SPDYC: variants seen among roughly 807,000 people sequenced by gnomAD.
SPDYC encodes the protein speedy protein C.
SPDYC carries 25 observed loss-of-function variants against 33.9 expected under a neutral mutation model. That is an observed-to-expected ratio of 0.74 (90% CI 0.54 to 1.03). The LOEUF is 1.03. Among genes scored for constraint, SPDYC ranks in the 50% least tolerant of loss-of-function variants. SPDYC has a pLI of 0.00. For synonymous variants in SPDYC, 133 were observed against 140.2 expected, an observed-to-expected ratio of 0.95 and a Z score of 0.36; for missense variants, 349 against 382.9, an observed-to-expected ratio of 0.91 and a Z score of 0.74.
intron 1 of SPDYC, 55 bp downstream of exon 1, chr11:65,170,316 G>A (rs1202175189): frequency 3.4e-5 from 52 of 1,507,356 alleles, no homozygotes; most frequent in East Asian, 7.4e-5. Context: ...AGATGGAGGG[G>A]CCCAGATTGG....
In SPDYC at chr11:65,172,590, C is replaced by T. The variant is rs777516166; in HGVS notation, c.501C>T (p.Arg167=). 4 of 1,552,946 alleles carry T rather than the reference C, an allele frequency of 2.6e-6. No individual in the cohort carries two copies. The Admixed American group carries it at 7.7e-5, about 30-fold the overall frequency. Residue 167 remains arginine (R), a synonymous_variant, in exon 5 of 7, where the codon CGC becomes CGT. Transcript: ENST00000377185. Reference sequence around the variant, plus strand: ...TGGGTTTCCGGGCTGTTGTGAGCCGCCAGTGCTGTGAGGAGGTGAGGCTGG... The same window carrying T: ...TGGGTTTCCGGGCTGTTGTGAGCCGTCAGTGCTGTGAGGAGGTGAGGCTGG...
chr11:65,171,436 G>A lies in SPDYC; in HGVS notation c.136G>A (p.Gly46Arg), dbSNP rs748592055. ...GCTGGGGGGCTGCAGCCGGCAAGGT[G>A]GGGGCAATGGGTTCCTCCGTTTTCG... is the stretch of plus-strand genomic sequence containing the variant. Residue 46 changes from glycine (G) to arginine (R), a missense_variant, in exon 2 of 7, where the codon GGG (glycine) becomes AGG (arginine). Gly to Arg is a moderately radical substitution (Grantham distance 125). Coordinates refer to ENST00000377185, the Ensembl canonical transcript of SPDYC. The A allele has an allele frequency of 1.9e-6, 3 of 1,599,736 alleles. No homozygotes were observed. In the South Asian group the frequency reaches 3.4e-5, roughly 18 times the overall value.
chr11:65,171,093 A>T (rs982813561), intron 1 of SPDYC, among the ~76,000 whole-genome samples: 1 of 151,638 alleles, frequency 6.6e-6, no homozygotes, highest in African/African-American at 2.4e-5. Flanking sequence ...TGCTGCTGTT[A>T]CTCTGGCCTG....
rs940171852 is a variant in SPDYC, at chr11:65,172,016, G to C, written c.258+15G>C. 3 of 1,613,798 alleles carry C rather than the reference G, an allele frequency of 1.9e-6. No individual in the cohort carries two copies. The Admixed American group carries it at 5.0e-5, about 27-fold the overall frequency. On this transcript the variant is annotated intron_variant, in intron 3 of 6. Coordinates refer to ENST00000377185, the Ensembl canonical transcript of SPDYC. The stretch of plus-strand genomic sequence containing the variant: ...TTTCAGATAAGGTGAGGGAGTACAG[G>C]CTGGGGGTCTCTTGAGGGTCAGGTT...
chr11:65,171,903 G>T (rs1410409851), intron 2 of SPDYC, 40 bp from the exon 3 acceptor site: 9 of 1,588,856 alleles, frequency 5.7e-6, no homozygotes, highest in Non-Finnish European at 7.8e-6. Flanking sequence ...CCATGGAGGT[G>T]GTGGTAACCT....
At position 65,173,147 on chromosome 11, in the gene SPDYC, G is replaced by A. The variant is rs759028023; in HGVS notation, c.848-36G>A. ...TGCCCCTCCCGTGTGAGCTTGGCAGGTTTCTTCTCTGAGCCTCACTCTTTC... is the reference window on the plus strand; with the variant it reads ...TGCCCCTCCCGTGTGAGCTTGGCAGATTTCTTCTCTGAGCCTCACTCTTTC... On this transcript the variant is annotated intron_variant, in intron 6 of 6. Transcript: ENST00000377185. 6 of 1,612,694 alleles carry A rather than the reference G, an allele frequency of 3.7e-6. 1 individual carries two copies. In the South Asian group the frequency reaches 5.5e-5, roughly 15 times the overall value.
At position 65,171,454 on chromosome 11, in the gene SPDYC, C is replaced by T. The variant is rs566232147; in HGVS notation, c.154C>T (p.Arg52Cys). The change falls in exon 2 of 7, where the codon CGT becomes TGT. Residue 52 changes from arginine (R) to cysteine (C), a missense_variant. Arg to Cys is a radical substitution (Grantham distance 180). Transcript: ENST00000377185. ...GCAAGGTGGGGGCAATGGGTTCCTC[C>T]GTTTTCGCCAGCACCAGGAGGTCCA... 1.7e-5 allele frequency: 27 copies of T among 1,596,496 alleles called. No individual in the cohort carries two copies. The highest frequency in any genetic ancestry group is 5.4e-5 in the Admixed American group (3 of 55,302).
At chr11:65,171,485 T>C in exon 2 of SPDYC, 1 of 1,578,814 alleles carries the variant, frequency 6.3e-7, no homozygotes, top group Non-Finnish European at 8.6e-7. Flanking sequence ...GTCCAGGCCT[T>C]CCTCAGCCTT....
At chr11:65,171,260 C>T in intron 1 of SPDYC, 67 bp from the exon 2 acceptor site, 1 of 1,535,712 alleles carries the variant, frequency 6.5e-7, no homozygotes, top group Non-Finnish European at 8.8e-7. Context: ...TGGCCCCTGT[C>T]ACCACCCTCT....
chr11:65,170,297 C>A (rs377522264), intron 1 of SPDYC, 36 bp downstream of exon 1: 116 of 1,557,716 alleles, frequency 7.4e-5, no homozygotes, highest in South Asian at 7.0e-4. Context: ...GGGTTGCTTG[C>A]GGGCGCCTAG....
At chr11:65,173,260 C>T, downstream of SPDYC, 2 of 1,606,284 alleles carry the variant, frequency 1.2e-6, no homozygotes, top group African/African-American at 1.3e-5. Context: ...GGCCCACTGA[C>T]TGACACACCA....
intron 2 of SPDYC, 101 bp from the exon 3 acceptor site, chr11:65,171,836 AAGAGAG>A: frequency 1.1e-6 from 1 of 952,030 alleles, no homozygotes; most frequent in Non-Finnish European, 1.7e-6. Context: ...GAAAAAGAGA[AAGAGAG>A]AGAGGGTTCA....
intron 1 of SPDYC, among the ~76,000 whole-genome samples, chr11:65,170,864 CAG>C (rs1184823793): frequency 6.6e-6 from 1 of 152,108 alleles, no homozygotes; most frequent in African/African-American, 2.4e-5. Context: ...GTCTGGGCGA[CAG>C]AGAGAGACTG....
chr11:65,173,280 C>T (rs1022430098), downstream of SPDYC: 1 of 1,569,768 alleles, frequency 6.4e-7, no homozygotes, highest in Admixed American at 1.8e-5. Context: ...ATTGGCTGTG[C>T]TCCCACCCCT....
Position 65,172,621 on chromosome 11 carries a change from A to C in SPDYC, c.516+16A>C. On this transcript the variant is annotated intron_variant, in intron 5 of 6. Coordinates refer to ENST00000377185, the Ensembl canonical transcript of SPDYC. Reference sequence around the variant, plus strand: ...CTGTGAGGAGGTGAGGCTGGGAGGCAACCTGGGGTGTGGGGAAGGCTGGGG... The same window carrying C: ...CTGTGAGGAGGTGAGGCTGGGAGGCCACCTGGGGTGTGGGGAAGGCTGGGG... 1.9e-6 allele frequency: 3 copies of C among 1,555,042 alleles called. No homozygotes were observed. The highest frequency in any genetic ancestry group is 1.7e-6 in the Non-Finnish European group (2 of 1,149,842).
intron 1 of SPDYC, among the ~76,000 whole-genome samples, chr11:65,170,738 C>T (rs1281911915): frequency 2.0e-5 from 3 of 151,920 alleles, no homozygotes; most frequent in Non-Finnish European, 2.9e-5. Context: ...ATTAGCCGGG[C>T]GTGGTGGCAT....
chr11:65,173,102 T>G, intron 6 of SPDYC, 81 bp from the exon 7 acceptor site: 1 of 1,599,770 alleles, frequency 6.3e-7, no homozygotes, highest in Middle Eastern at 1.7e-4. Context: ...GAGAGGGCCA[T>G]GGGCCTGGGG....
exon 2 of SPDYC, chr11:65,171,415 G>A (rs765968360): frequency 6.2e-7 from 1 of 1,607,002 alleles, no homozygotes; most frequent in African/African-American, 1.3e-5. Context: ...GGTAGAGCTG[G>A]GGGGCTGCAG....
exon 6 of SPDYC, chr11:65,172,814 G>T (rs748289343): frequency 6.2e-7 from 1 of 1,614,110 alleles, no homozygotes; most frequent in Non-Finnish European, 8.5e-7. Flanking sequence ...CCGCCCCACT[G>T]TTCCCCCTGT....
Sources: gnomAD v4.1 joint callset for allele counts (sites outside exome capture counted in the v4.1 genomes callset) on GRCh38, gnomAD v4.1.1 for gene constraint, MANE v1.5 for transcripts, NCBI Gene and HGNC (gene_info 2026-07-23, HGNC 2026-07-21) for gene names.